The following MOXD1 variants were observed in gnomAD, a reference collection of about 807,000 sequenced individuals.
MOXD1 encodes the protein monooxygenase DBH like 1.
Under a neutral mutation model 66.6 loss-of-function variants are expected in MOXD1, and 62 were observed. The observed-to-expected ratio is 0.93, with a 90% CI of 0.76 to 1.15. The LOEUF is 1.15. MOXD1 is among the 50% of genes most tolerant of loss of function. The probability of loss-of-function intolerance (pLI) is 0.00; values close to 1 mark genes in which losing one functional copy is unlikely to be tolerated. For synonymous variants in MOXD1, 303 were observed against 281.9 expected (o/e 1.07, Z -0.75); for missense variants, 847 against 754.6 (o/e 1.12, Z -1.44).
chr6:132,316,860 GA>G (rs1774970656), intron 9 of MOXD1, among the ~76,000 whole-genome samples: 1 of 151,822 alleles, frequency 6.6e-6, no homozygotes, highest in African/African-American at 2.4e-5. Flanking sequence ...CAAAAAGGTA[GA>G]AAAAATATTC....
At position 132,297,791 on chromosome 6, in the gene MOXD1, C is replaced by A. The variant is rs997897390; in HGVS notation, c.1673G>T (p.Trp558Leu). The change falls in exon 11 of 12, where the codon TGG becomes TTG. Residue 558 changes from tryptophan to leucine, a missense_variant. Coordinates refer to ENST00000367963, the MANE Select transcript of MOXD1 (RefSeq NM_015529.4). Reference sequence around the variant, plus strand: ...CAGAGGTTAAAAAGAGCTTACCGACCACTCAGCATTGTCTGTCTTGGAACA... The same window carrying A: ...CAGAGGTTAAAAAGAGCTTACCGACAACTCAGCATTGTCTGTCTTGGAACA... ...VRCSKTDNAEWSIQGMTALPP... is the reference protein window; with the variant it reads ...VRCSKTDNAELSIQGMTALPP... 3.1e-5 allele frequency: 50 copies of A among 1,593,458 alleles called. No homozygotes were observed. Among genetic ancestry groups the A allele is most frequent in the Admixed American group, 5.5e-5 (3 of 54,364 alleles).
At chr6:132,384,700 G>C (rs1776590414) in intron 1 of MOXD1, among the ~76,000 whole-genome samples, 1 of 152,116 alleles carries the variant, frequency 6.6e-6, no homozygotes, top group African/African-American at 2.4e-5. Flanking sequence ...CTATTGAAAA[G>C]GGCCTGGACA....
chr6:132,324,051 T>C lies in MOXD1; in HGVS notation c.993A>G (p.Ile331Met). The change falls in exon 7 of 12, where the codon ATA becomes ATG. Residue 331 changes from isoleucine to methionine, a missense_variant. Transcript: ENST00000367963. ...SGLRLFYTMD[I>M]RKYDAGVIEA... ...CAATCACCCCAGCATCATATTTCCT[T>C]ATATCCATTGTGTAAAATAACCTCA... is the stretch of plus-strand genomic sequence containing the variant. 6.2e-7 allele frequency: 1 copy of C among 1,613,882 alleles called. No individual in the cohort carries two copies.
intron 4 of MOXD1, among the ~76,000 whole-genome samples, chr6:132,340,448 T>C (rs900406805): frequency 1.5e-5 from 2 of 137,244 alleles, no homozygotes; most frequent in Non-Finnish European, 3.4e-5. Context: ...TTTCTTTTTT[T>C]TTTTTTTTTT....
At chr6:132,363,146 G>A (rs1403748945) in intron 4 of MOXD1, among the ~76,000 whole-genome samples, 1 of 151,554 alleles carries the variant, frequency 6.6e-6, no homozygotes, top group Non-Finnish European at 1.5e-5. Context: ...AAGTAGTCCA[G>A]CAGAATATAG....
Position 132,302,479 on chromosome 6 carries a change from T to TAA in MOXD1, c.1509-4526_1509-4525dup, listed in dbSNP as rs5880120. 1.3e-4 allele frequency among the ~76,000 whole-genome samples: 20 copies of TAA among 151,764 alleles called. No individual in the cohort carries two copies. In the East Asian group the frequency reaches 2.7e-3, roughly 21 times the overall value. On this transcript the variant is annotated intron_variant, in intron 10 of 11. Transcript: ENST00000367963. ...TTAGCAGACAAGGATAACTAAAACT[T>TAA]AAAAAAACATATTATTAACAAAACA...
At chr6:132,347,369 G>A (rs1727825897) in intron 4 of MOXD1, among the ~76,000 whole-genome samples, 2 of 152,120 alleles carry the variant, frequency 1.3e-5, no homozygotes, top group Admixed American at 1.3e-4. Flanking sequence ...CTTTAATTTT[G>A]TAGGACTGTT....
At chr6:132,330,559 C>T (rs1193039398) in intron 4 of MOXD1, among the ~76,000 whole-genome samples, 1 of 152,166 alleles carries the variant, frequency 6.6e-6, no homozygotes, top group African/African-American at 2.4e-5. Context: ...TTTTTTCTTT[C>T]CCCTCAGAGT....
At chr6:132,334,514 AC>A (rs1221151378) in intron 4 of MOXD1, among the ~76,000 whole-genome samples, 3 of 152,228 alleles carry the variant, frequency 2.0e-5, no homozygotes, top group African/African-American at 7.2e-5. Context: ...CACTAAGGAC[AC>A]TGGAGATAAA....
intron 4 of MOXD1, among the ~76,000 whole-genome samples, chr6:132,366,641 T>C (rs1186907135): frequency 1.3e-5 from 2 of 152,100 alleles, no homozygotes; most frequent in African/African-American, 4.8e-5. Context: ...TCCCACAGTT[T>C]ACTAAATTTA....
intron 4 of MOXD1, among the ~76,000 whole-genome samples, chr6:132,332,529 G>C (rs564939906): frequency 6.6e-6 from 1 of 152,278 alleles, no homozygotes; most frequent in African/African-American, 2.4e-5. Flanking sequence ...GAAATTTTCA[G>C]ACCACCATGG....
At chr6:132,322,644 T>A in intron 8 of MOXD1, 35 bp downstream of exon 8, 2 of 1,584,700 alleles carry the variant, frequency 1.3e-6, no homozygotes, top group Non-Finnish European at 1.7e-6. Context: ...ATGACTTTCA[T>A]AACAGTCAAT....
In MOXD1 at chr6:132,348,268, G is replaced by GA. The variant is rs1201131242; in HGVS notation, c.664-19675dup. Among the ~76,000 whole-genome samples, 12 of 152,134 alleles carry GA rather than the reference G, an allele frequency of 7.9e-5. 1 individual carries two copies. The South Asian group carries it at 1.4e-3, about 18-fold the overall frequency. ...TTTTATTTAATTTGCAAAGTTAACA[G>GA]AAAAAATAATGTAACATCATTCATA... is the stretch of plus-strand genomic sequence containing the variant. On this transcript the variant is annotated intron_variant, in intron 4 of 11. Transcript: ENST00000367963.
intron 10 of MOXD1, among the ~76,000 whole-genome samples, chr6:132,304,847 C>A (rs1374860442): frequency 6.6e-6 from 1 of 152,022 alleles, no homozygotes; most frequent in Non-Finnish European, 1.5e-5. Flanking sequence ...ACTGAAAATA[C>A]AAAATACTGC....
intron 4 of MOXD1, among the ~76,000 whole-genome samples, chr6:132,368,996 G>A (rs1465146967): frequency 2.0e-5 from 3 of 152,012 alleles, no homozygotes; most frequent in African/African-American, 4.8e-5. Context: ...TTAAAGTTAC[G>A]TGAATGTGGT....
chr6:132,375,868 A>G (rs1285771681), intron 1 of MOXD1, among the ~76,000 whole-genome samples: 2 of 152,232 alleles, frequency 1.3e-5, no homozygotes, highest in South Asian at 2.1e-4. Flanking sequence ...AAGTTTTAAC[A>G]TTACTAAAAT....
chr6:132,361,790 A>G (rs1386869723), intron 4 of MOXD1, among the ~76,000 whole-genome samples: 2 of 152,166 alleles, frequency 1.3e-5, no homozygotes, highest in Non-Finnish European at 2.9e-5. Flanking sequence ...TTGATATGTT[A>G]GTGTAGTATT....
chr6:132,307,190 G>C (rs1455323238), intron 10 of MOXD1, among the ~76,000 whole-genome samples: 1 of 150,984 alleles, frequency 6.6e-6, no homozygotes, highest in East Asian at 1.9e-4. Flanking sequence ...CAAGCAAATT[G>C]AAAGAAAAAA....
chr6:132,370,964 T>C (rs1179257325), intron 4 of MOXD1, among the ~76,000 whole-genome samples: 3 of 152,128 alleles, frequency 2.0e-5, no homozygotes, highest in Non-Finnish European at 4.4e-5. Flanking sequence ...CCCTGAAACA[T>C]ACATAATTAT....
Sources: allele counts gnomAD v4.1 joint callset (sites outside exome capture counted in the v4.1 genomes callset), GRCh38; gene constraint gnomAD v4.1.1; transcripts MANE v1.5; gene names NCBI Gene and HGNC (gene_info 2026-07-23, HGNC 2026-07-21).